AKT3: variants seen among roughly 807,000 people sequenced by gnomAD.
AKT3 encodes the protein RAC-gamma serine/threonine-protein kinase.
Under a neutral mutation model 65.3 loss-of-function variants are expected in AKT3, and 15 were observed. That is an observed-to-expected ratio of 0.23 (90% CI 0.15 to 0.35). The LOEUF (loss-of-function observed/expected upper bound fraction) is 0.35, where lower values mean the gene tolerates loss of function less well. Among genes scored for constraint, AKT3 ranks in the 10% least tolerant of loss-of-function variants. The probability of loss-of-function intolerance (pLI) is 1.00; values close to 1 mark genes in which losing one functional copy is unlikely to be tolerated. For missense variants in AKT3, 243 were observed against 576.5 expected (o/e 0.42, Z 5.92); for synonymous variants, 206 against 183.8 (o/e 1.12, Z -0.98).
intron 8 of AKT3, among the ~76,000 whole-genome samples, chr1:243,575,614 T>C (rs1185315148): frequency 2.0e-5 from 3 of 152,208 alleles, no homozygotes; most frequent in African/African-American, 7.2e-5. Flanking sequence ...TAACATTTTA[T>C]AACTCAGATA....
chr1:243,765,331 C>G, intron 2 of AKT3, among the ~76,000 whole-genome samples: 1 of 151,934 alleles, frequency 6.6e-6, no homozygotes. Context: ...ACCAAACTTT[C>G]AAAAGGAAAA....
intron 2 of AKT3, among the ~76,000 whole-genome samples, chr1:243,805,787 T>A (rs1692687640): frequency 6.6e-6 from 1 of 152,224 alleles, no homozygotes; most frequent in South Asian, 2.1e-4. Flanking sequence ...TCCCTGTTAG[T>A]AAAGTGTGTG....
intron 9 of AKT3, among the ~76,000 whole-genome samples, chr1:243,565,850 T>C (rs1478280414): frequency 4.3e-5 from 6 of 139,018 alleles, no homozygotes; most frequent in Admixed American, 2.4e-4. Flanking sequence ...ATATGCCCTT[T>C]TATTAATTTT....
chr1:243,773,765 T>C (rs1690358527), intron 2 of AKT3, among the ~76,000 whole-genome samples: 2 of 152,240 alleles, frequency 1.3e-5, no homozygotes, highest in South Asian at 4.1e-4. Context: ...GTTAATTTCC[T>C]TCCCAACTGA....
intron 1 of AKT3, among the ~76,000 whole-genome samples, chr1:243,844,485 A>T (rs75965920): frequency 0.021 from 3,244 of 152,312 alleles, 55 homozygotes; most frequent in Non-Finnish European, 0.035. Flanking sequence ...TATCCAAAAA[A>T]AATTTTTTTT....
intron 2 of AKT3, among the ~76,000 whole-genome samples, chr1:243,804,699 TA>T (rs1237058223): frequency 6.6e-6 from 1 of 151,906 alleles, no homozygotes; most frequent in African/African-American, 2.4e-5. Context: ...TACAAAAAAT[TA>T]GCCGGGCGTG....
intron 3 of AKT3, among the ~76,000 whole-genome samples, chr1:243,673,611 A>ATTT (rs11386712): frequency 0.016 from 2,019 of 124,080 alleles, 74 homozygotes; most frequent in African/African-American, 0.058. Flanking sequence ...TAATTATGAG[A>ATTT]TTTTTTTTTT....
intron 2 of AKT3, among the ~76,000 whole-genome samples, chr1:243,711,544 AC>A (rs1686159727): frequency 6.6e-6 from 1 of 152,188 alleles, no homozygotes; most frequent in African/African-American, 2.4e-5. Context: ...AACAGCCTCT[AC>A]AGCTTGGTAT....
At chr1:243,517,730 T>C (rs1353274060) in intron 12 of AKT3, among the ~76,000 whole-genome samples, 1 of 152,244 alleles carries the variant, frequency 6.6e-6, no homozygotes, top group Non-Finnish European at 1.5e-5. Flanking sequence ...TATAGGTAGT[T>C]CTTGCTTTTT....
chr1:243,582,385 G>A (rs548616208), intron 8 of AKT3, among the ~76,000 whole-genome samples: 17 of 144,860 alleles, frequency 1.2e-4, no homozygotes, highest in African/African-American at 4.1e-4. Flanking sequence ...CAGGCCAACC[G>A]TCAACTTCTC....
chr1:243,850,528 G>A (rs865980218), upstream of AKT3, among the ~76,000 whole-genome samples: 1 of 151,434 alleles, frequency 6.6e-6, no homozygotes, highest in Admixed American at 6.6e-5. Flanking sequence ...GCGCCTCGCT[G>A]AGGGGACCCC....
At chr1:243,517,638 T>C (rs765856327) in intron 12 of AKT3, among the ~76,000 whole-genome samples, 20 of 152,248 alleles carry the variant, frequency 1.3e-4, no homozygotes, top group Non-Finnish European at 2.4e-4. Context: ...CTGATTAGGT[T>C]GAGCATAGTA....
chr1:243,570,680 T>C (rs1182991028), intron 9 of AKT3, among the ~76,000 whole-genome samples: 1 of 152,216 alleles, frequency 6.6e-6, no homozygotes, highest in African/African-American at 2.4e-5. Context: ...AATATGTCAT[T>C]GTATTATAAA....
chr1:243,621,270 G>A (rs530591344), intron 6 of AKT3, among the ~76,000 whole-genome samples: 2 of 152,152 alleles, frequency 1.3e-5, no homozygotes, highest in South Asian at 2.1e-4. Flanking sequence ...TTCAAAATGC[G>A]ATCTTACTTC....
At chr1:243,678,838 T>C (rs921875113) in intron 3 of AKT3, among the ~76,000 whole-genome samples, 1 of 152,206 alleles carries the variant, frequency 6.6e-6, no homozygotes, top group Non-Finnish European at 1.5e-5. Context: ...CTAATAACGT[T>C]TATACACAGT....
chr1:243,513,570 C>G (rs1208951804), intron 12 of AKT3, among the ~76,000 whole-genome samples: 1 of 152,082 alleles, frequency 6.6e-6, no homozygotes, highest in Non-Finnish European at 1.5e-5. Context: ...TTTTAAGAAT[C>G]GTGGGATGAG....
intron 10 of AKT3, among the ~76,000 whole-genome samples, chr1:243,559,799 T>C (rs751476179): frequency 8.5e-5 from 13 of 152,098 alleles, no homozygotes; most frequent in Non-Finnish European, 4.4e-5. Flanking sequence ...AGAGAAGCAG[T>C]AGTCAAGAAT....
chr1:243,513,020 A>T (rs1670118151), intron 12 of AKT3, among the ~76,000 whole-genome samples: 1 of 152,248 alleles, frequency 6.6e-6, no homozygotes, highest in Non-Finnish European at 1.5e-5. Flanking sequence ...AGCTTTCATC[A>T]GATCCTCAAA....
intron 8 of AKT3, among the ~76,000 whole-genome samples, chr1:243,598,881 G>A (rs940562886): frequency 2.6e-5 from 4 of 152,018 alleles, no homozygotes; most frequent in African/African-American, 7.2e-5. Flanking sequence ...TCATCCTAGC[G>A]AACGCAGTAA....
Sources: allele counts gnomAD v4.1 joint callset (sites outside exome capture counted in the v4.1 genomes callset), GRCh38; gene constraint gnomAD v4.1.1; transcripts MANE v1.5; gene names NCBI Gene and HGNC (gene_info 2026-07-23, HGNC 2026-07-21).